The following MPRIP variants were observed in gnomAD, a reference collection of about 807,000 sequenced individuals.
MPRIP encodes myosin phosphatase Rho-interacting protein.
A neutral mutation model predicts 234.9 loss-of-function variants in MPRIP; 59 were observed. The ratio of observed to expected loss-of-function variants is 0.25; its 90% CI spans 0.20 to 0.31. MPRIP has a LOEUF of 0.31. MPRIP is among the 10% of genes least tolerant of loss of function. MPRIP has a pLI of 1.00. For synonymous variants in MPRIP, 1,144 were observed against 1,263.9 expected, an observed-to-expected ratio of 0.91 and a Z score of 2.01; for missense variants, 2,436 against 3,071.0, an observed-to-expected ratio of 0.79 and a Z score of 4.89.
chr17:17,142,739 G>A lies in MPRIP; in HGVS notation c.1363G>A (p.Glu455Lys), dbSNP rs781172214. The change falls in exon 8 of 24, where the codon GAG becomes AAG. Residue 455 changes from glutamate to lysine, a missense_variant. Glu to Lys is a moderately conservative substitution (Grantham distance 56). This residue lies in a region of MPRIP where 267 missense variants were observed against 252.7 expected (regional missense o/e 1.06). Coordinates refer to ENST00000651222, the MANE Select transcript of MPRIP (RefSeq NM_001364716.4). ...CAGCGACACACGCCAGGGCCGCAGCGAGAAGAGGGCGTTCCCTAGGAAGCG... is the reference window on the plus strand; with the variant it reads ...CAGCGACACACGCCAGGGCCGCAGCAAGAAGAGGGCGTTCCCTAGGAAGCG... ...PSSDTRQGRSEKRAFPRKRDF... is the reference protein window; with the variant it reads ...PSSDTRQGRSKKRAFPRKRDF... 6.2e-6 allele frequency: 10 copies of A among 1,612,554 alleles called. No homozygotes were observed. The highest frequency in any genetic ancestry group is 2.2e-5 in the South Asian group (2 of 91,020).
chr17:17,108,064 T>A (rs1396334745), intron 3 of MPRIP, among the ~76,000 whole-genome samples: 1 of 152,190 alleles, frequency 6.6e-6, no homozygotes, highest in African/African-American at 2.4e-5. Flanking sequence ...TCTCCCTTTT[T>A]CCCAGGCCTG....
At chr17:17,132,232 C>T (rs560267399) in intron 5 of MPRIP, among the ~76,000 whole-genome samples, 227 of 152,314 alleles carry the variant, frequency 1.5e-3, no homozygotes, top group Non-Finnish European at 2.4e-3. Flanking sequence ...TCCTTCCCTC[C>T]CTGGCCAGTG....
At chr17:17,147,122 C>G (rs923594733) in intron 10 of MPRIP, among the ~76,000 whole-genome samples, 197 bp from the exon 11 acceptor site, 1 of 150,976 alleles carries the variant, frequency 6.6e-6, no homozygotes, top group Non-Finnish European at 1.5e-5. Flanking sequence ...TAGTGAGCGT[C>G]CTGAGGGTGT....
intron 1 of MPRIP, among the ~76,000 whole-genome samples, chr17:17,058,135 G>A (rs1012596056): frequency 1.3e-5 from 2 of 152,176 alleles, no homozygotes; most frequent in Admixed American, 1.3e-4. Context: ...TAGGGAACAC[G>A]GACAGAAGCA....
chr17:17,170,530 A>G (rs1298543181), intron 16 of MPRIP, among the ~76,000 whole-genome samples: 1 of 152,226 alleles, frequency 6.6e-6, no homozygotes, highest in Non-Finnish European at 1.5e-5. Context: ...AGAGTTGGCC[A>G]TCACCAAAAG....
At chr17:17,099,038 G>C (rs1003564774) in intron 3 of MPRIP, among the ~76,000 whole-genome samples, 11 of 152,188 alleles carry the variant, frequency 7.2e-5, no homozygotes, top group African/African-American at 2.7e-4. Flanking sequence ...GGGCTTTGGA[G>C]GGAGGAGGGT....
At chr17:17,116,921 C>A (rs181676545) in intron 3 of MPRIP, among the ~76,000 whole-genome samples, 2 of 152,370 alleles carry the variant, frequency 1.3e-5, no homozygotes, top group East Asian at 3.9e-4. Flanking sequence ...ACTCAGCTGC[C>A]TTTGGATTGA....
chr17:17,096,722 C>T (rs1046538615), intron 3 of MPRIP: 6 of 470,702 alleles, frequency 1.3e-5, no homozygotes, highest in African/African-American at 4.0e-5. Context: ...CCTGTCCTTA[C>T]CCAGGGCCTC....
chr17:17,188,047 G>C lies in MPRIP; in HGVS notation c.*3153G>C, dbSNP rs1597544285. 1 of 152,250 alleles carries C rather than the reference G, an allele frequency of 6.6e-6. No individual in the cohort carries two copies. The highest frequency in any genetic ancestry group is 2.4e-5 in the African/African-American group (1 of 41,466). 9.4% of individuals were successfully genotyped at this position (152,250 alleles called of 1,614,324 possible). A position where few individuals can be genotyped will look rare whatever the true frequency, so the allele number is the denominator to read the frequency against. ...CTGCAGGCTTGTGGGTAATTACCTTGTGTGCACGCCTGCACGTGCAGAATA... is the reference window on the plus strand; with the variant it reads ...CTGCAGGCTTGTGGGTAATTACCTTCTGTGCACGCCTGCACGTGCAGAATA... On this transcript the variant is annotated 3_prime_UTR_variant, in exon 24 of 24. Coordinates refer to ENST00000651222, the MANE Select transcript of MPRIP (RefSeq NM_001364716.4).
At chr17:17,081,592 AAGGTGGACATCAGG>A (rs1481420763) in intron 3 of MPRIP, among the ~76,000 whole-genome samples, 5 of 152,204 alleles carry the variant, frequency 3.3e-5, no homozygotes, top group African/African-American at 9.7e-5. Flanking sequence ...CCTGGAGAGG[AAGGTGGACATCAGG>A]AGGTCACAGC....
intron 3 of MPRIP, among the ~76,000 whole-genome samples, chr17:17,108,466 C>T (rs1266850197): frequency 1.3e-5 from 2 of 152,242 alleles, no homozygotes; most frequent in Non-Finnish European, 2.9e-5. Flanking sequence ...TTTAAGAATT[C>T]CTATGCCTCA....
chr17:17,110,308 C>T (rs145593316), intron 3 of MPRIP, among the ~76,000 whole-genome samples: 1 of 152,276 alleles, frequency 6.6e-6, no homozygotes, highest in East Asian at 1.9e-4. Context: ...AGCCAAATAA[C>T]CCTCTTTTTC....
chr17:17,136,158 G>T lies in MPRIP; in HGVS notation c.505-61G>T. 8 of 1,599,566 alleles carry T rather than the reference G, an allele frequency of 5.0e-6. No individual in the cohort carries two copies. In the Admixed American group the frequency reaches 1.3e-4, roughly 27 times the overall value. On this transcript the variant is annotated intron_variant, in intron 5 of 23. Coordinates refer to ENST00000651222, the MANE Select transcript of MPRIP (RefSeq NM_001364716.4). ...CCCTATAGCTAGGCAGCCAGGACCTGTGACCCAACCTGAGCTGTGTGCTCC... is the reference window on the plus strand; with the variant it reads ...CCCTATAGCTAGGCAGCCAGGACCTTTGACCCAACCTGAGCTGTGTGCTCC...
chr17:17,072,170 G>A (rs2089210765), intron 1 of MPRIP, among the ~76,000 whole-genome samples: 1 of 152,250 alleles, frequency 6.6e-6, no homozygotes, highest in Admixed American at 6.5e-5. Flanking sequence ...GGTCTGCTGT[G>A]CGGGGGAGGA....
intron 3 of MPRIP, among the ~76,000 whole-genome samples, chr17:17,098,864 G>T (rs967840222): frequency 1.3e-5 from 2 of 151,940 alleles, no homozygotes; most frequent in Non-Finnish European, 2.9e-5. Context: ...CCACCCCCCA[G>T]CATTGGATGC....
intron 9 of MPRIP, among the ~76,000 whole-genome samples, chr17:17,145,424 G>A (rs1203721570): frequency 1.3e-5 from 2 of 152,218 alleles, no homozygotes; most frequent in Non-Finnish European, 2.9e-5. Context: ...CAGGGCCCAG[G>A]TGTGTCTGGG....
intron 3 of MPRIP, among the ~76,000 whole-genome samples, chr17:17,118,697 C>T (rs1348578587): frequency 6.6e-6 from 1 of 152,170 alleles, no homozygotes; most frequent in Non-Finnish European, 1.5e-5. Flanking sequence ...CGTGGTTGGC[C>T]TAACACTTCT....
chr17:17,092,328 G>A (rs1343468776), intron 3 of MPRIP, among the ~76,000 whole-genome samples: 1 of 152,224 alleles, frequency 6.6e-6, no homozygotes, highest in Non-Finnish European at 1.5e-5. Context: ...TTTAGGGAAG[G>A]GGAGTGGCTG....
chr17:17,042,765 C>T lies in MPRIP; in HGVS notation c.-84C>T, dbSNP rs1206373265. The T allele has an allele frequency of 1.6e-5, 16 of 979,752 alleles. 1 individual carries two copies. In the South Asian group the frequency reaches 6.0e-4, roughly 36 times the overall value. 60.7% of individuals were successfully genotyped at this position (979,752 alleles called of 1,614,324 possible). ...GGGCCGGCGAGGGATGCGGCGCGGC[C>T]GCGCTGAGCCCCTAGCCCGCCGGGA... On this transcript the variant is annotated 5_prime_UTR_variant, in exon 1 of 24. Transcript: ENST00000651222.
Sources: gnomAD v4.1 joint callset for allele counts (sites outside exome capture counted in the v4.1 genomes callset) on GRCh38, gnomAD v4.1.1 for gene constraint, gnomAD v4.1.1 regional missense constraint, MANE v1.5 for transcripts, NCBI Gene and HGNC (gene_info 2026-07-23, HGNC 2026-07-21) for gene names.